The following DNAH5 variants were observed in gnomAD, a reference collection of about 807,000 sequenced individuals.
DNAH5 encodes the protein dynein axonemal heavy chain 5.
A neutral mutation model predicts 518.2 loss-of-function variants in DNAH5; 372 were observed. The observed-to-expected ratio is 0.72, with a 90% CI of 0.66 to 0.78. The LOEUF is 0.78. Ranked by LOEUF, DNAH5 falls within the 30% of genes least tolerant of loss-of-function variation. The pLI is 0.00. For synonymous variants in DNAH5, 2,039 were observed against 2,025.9 expected (o/e 1.01, Z -0.17); for missense variants, 5,523 against 5,687.0 (o/e 0.97, Z 0.93).
intron 14 of DNAH5, chr5:13,900,802 A>C (rs918233876): frequency 2.6e-5 from 8 of 310,414 alleles, no homozygotes; most frequent in African/African-American, 1.7e-4. Flanking sequence ...CAATGAACAC[A>C]GCTATGGAGA....
chr5:13,876,836 G>C lies in DNAH5; in HGVS notation c.3263-19C>G. The C allele has an allele frequency of 6.2e-7, 1 of 1,611,986 alleles. No individual in the cohort carries two copies. Among genetic ancestry groups the C allele is most frequent in the South Asian group, 1.1e-5 (1 of 91,014 alleles). On this transcript the variant is annotated intron_variant, in intron 21 of 78. Coordinates refer to ENST00000265104, the MANE Select transcript of DNAH5 (RefSeq NM_001369.3). ...AAGGTATCTAAAAAGAAAAAAAGAA[G>C]AGAAAACTTTACACTACTCACACAA...
intron 47 of DNAH5, among the ~76,000 whole-genome samples, chr5:13,795,557 A>G (rs811599): frequency 0.36 from 54,576 of 152,100 alleles, 10,113 homozygotes; most frequent in Middle Eastern, 0.45. Flanking sequence ...GGCAATAATT[A>G]ATAGCCTACC....
chr5:13,706,518 A>G (rs192707335), intron 76 of DNAH5, among the ~76,000 whole-genome samples: 9 of 152,158 alleles, frequency 5.9e-5, no homozygotes, highest in Non-Finnish European at 2.9e-5. Context: ...TTTCCTACGT[A>G]TTTTTTCACC....
chr5:13,882,580 C>T lies in DNAH5; in HGVS notation c.3262+148G>A, dbSNP rs1771820214. ...AATGGTGATATTAAAATACGTGGAC[C>T]TTGATATTTTGTCAACTTCAAATTG... On this transcript the variant is annotated intron_variant, in intron 21 of 78. Transcript: ENST00000265104. 5.8e-6 allele frequency: 4 copies of T among 686,672 alleles called. No individual in the cohort carries two copies. The East Asian group carries it at 1.1e-4, about 19-fold the overall frequency. 42.5% of individuals were successfully genotyped at this position (686,672 alleles called of 1,614,324 possible). A position where few individuals can be genotyped will look rare whatever the true frequency, so the allele number is the denominator to read the frequency against.
intron 15 of DNAH5, chr5:13,898,677 T>G (rs1220211239): frequency 1.0e-5 from 4 of 398,430 alleles, no homozygotes; most frequent in Non-Finnish European, 1.8e-5. Context: ...CCTAACGTAG[T>G]GGTAGAAAAG....
At position 13,841,823 on chromosome 5, in the gene DNAH5, C is replaced by A; in HGVS notation, c.5353G>T (p.Val1785Leu). Residue 1785 changes from valine (V) to leucine (L), a missense_variant, in exon 33 of 79, where the codon GTG (valine) becomes TTG (leucine). Physicochemically the swap from Val to Leu is conservative, Grantham distance 32 (BLOSUM62 1). Around this residue, in one of 3 missense-constraint regions of DNAH5, gnomAD observed 5,121 missense variants for 5,223.3 expected, o/e 0.98. Coordinates refer to ENST00000265104, the MANE Select transcript of DNAH5 (RefSeq NM_001369.3). ...AAAAGAGAATTAAGCCAAACTTCCA[C>A]ATTGCCCTCTGCCATGACAGGTTTA... is the stretch of plus-strand genomic sequence containing the variant. ...LDKPVMAEGN[V>L]EVWLNSLLEE... The A allele has an allele frequency of 6.2e-7, 1 of 1,609,848 alleles. No individual in the cohort carries two copies. Among genetic ancestry groups the A allele is most frequent in the Non-Finnish European group, 8.5e-7 (1 of 1,178,864 alleles).
intron 25 of DNAH5, among the ~76,000 whole-genome samples, chr5:13,867,550 G>A (rs920920168): frequency 6.6e-6 from 1 of 151,970 alleles, no homozygotes; most frequent in South Asian, 2.1e-4. Flanking sequence ...AAATTACCCA[G>A]TCTCGAGCAG....
At chr5:13,807,819 C>A (rs1015223642) in intron 46 of DNAH5, 94 bp from the exon 47 acceptor site, 5 of 1,024,836 alleles carry the variant, frequency 4.9e-6, no homozygotes, top group Non-Finnish European at 7.3e-6. Context: ...GAATCTTCAA[C>A]CCCTAGTACC....
chr5:13,882,616 T>C, intron 21 of DNAH5, 112 bp downstream of exon 21: 5 of 875,342 alleles, frequency 5.7e-6, no homozygotes, highest in Non-Finnish European at 9.1e-6. Context: ...GCTCATAGAT[T>C]AATATTCTGA....
At position 13,714,413 on chromosome 5, in the gene DNAH5, G is replaced by C. The variant is rs1295800981; in HGVS notation, c.13117C>G (p.Pro4373Ala). 2 of 1,614,072 alleles carry C rather than the reference G, an allele frequency of 1.2e-6. No homozygotes were observed. Among genetic ancestry groups the C allele is most frequent in the East Asian group, 2.2e-5 (1 of 44,876 alleles). The change falls in exon 75 of 79, where the codon CCC (proline) becomes GCC (alanine). Residue 4373 changes from proline to alanine, a missense_variant. Pro to Ala is a conservative substitution (Grantham distance 27, BLOSUM62 -1). Transcript: ENST00000265104. Reference protein sequence around the residue: ...MLEKLPPDYVPFEVKERLQKM... With the variant: ...MLEKLPPDYVAFEVKERLQKM... ...GGATTTCATCAACTCACTTCAAAGG[G>C]GACATAGTCTGGGGGCAGCTTCTCC...
At chr5:13,933,789 CAAA>C (rs533169329) in intron 1 of DNAH5, among the ~76,000 whole-genome samples, 1 of 82,392 alleles carries the variant, frequency 1.2e-5, no homozygotes, top group Non-Finnish European at 2.4e-5. Flanking sequence ...GACTCCACCT[CAAA>C]AAAAAAAAAA....
Position 13,830,166 on chromosome 5 carries a change from T to C in DNAH5, c.6109A>G (p.Ile2037Val), listed in dbSNP as rs200551639. ...SWGCFDEFNR[I>V]DLPVLSVAAQ... is the part of the protein sequence containing the mutation. ...GCAACCGAGAGAACTGGTAGATCAA[T>C]ACGGTTAAATTCATCAAAACAACCC... The change falls in exon 37 of 79, where the codon ATT (isoleucine) becomes GTT (valine). Residue 2037 changes from isoleucine (I) to valine (V), a missense_variant. This residue lies in a region of DNAH5 where 5,121 missense variants were observed against 5,223.3 expected (regional missense o/e 0.98). Coordinates refer to ENST00000265104, the MANE Select transcript of DNAH5 (RefSeq NM_001369.3). 109 of 1,614,122 alleles carry C rather than the reference T, an allele frequency of 6.8e-5. No individual in the cohort carries two copies. Among genetic ancestry groups the C allele is most frequent in the Non-Finnish European group, 8.6e-5 (102 of 1,180,008 alleles).
Position 13,691,687 on chromosome 5 carries a change from T to C in DNAH5, c.*297A>G. The C allele has an allele frequency of 2.7e-6, 1 of 372,290 alleles. No individual in the cohort carries two copies. The highest frequency in any genetic ancestry group is 2.6e-5 in the South Asian group (1 of 38,402). 23.1% of individuals were successfully genotyped at this position (372,290 alleles called of 1,614,324 possible). On this transcript the variant is annotated 3_prime_UTR_variant, in exon 79 of 79. Transcript: ENST00000265104. ...ACTGTCTGCTTACCCTAGTCAGTCT[T>C]CGGAGCGAAGTAAGAAGAAAATATA...
chr5:13,987,007 G>A (rs868184971), intron 1 of DNAH5, among the ~76,000 whole-genome samples: 5 of 152,118 alleles, frequency 3.3e-5, no homozygotes, highest in Non-Finnish European at 5.9e-5. Context: ...TAAGTGAAAC[G>A]TCCGTCAGTG....
chr5:13,741,058 T>C (rs544372312), intron 65 of DNAH5, among the ~76,000 whole-genome samples: 2 of 152,330 alleles, frequency 1.3e-5, no homozygotes, highest in East Asian at 1.9e-4. Context: ...TCTTTTCAAA[T>C]TGATAAACTG....
In DNAH5 at chr5:13,786,228, G is replaced by T; in HGVS notation, c.8771C>A (p.Ala2924Asp). The T allele has an allele frequency of 6.2e-7, 1 of 1,614,056 alleles. No individual in the cohort carries two copies. The highest frequency in any genetic ancestry group is 1.1e-5 in the South Asian group (1 of 91,078). Residue 2924 changes from alanine (A) to aspartate (D), a missense_variant, in exon 52 of 79, where the codon GCC becomes GAC. Around this residue, in one of 3 missense-constraint regions of DNAH5, gnomAD observed 5,121 missense variants for 5,223.3 expected, o/e 0.98. Transcript: ENST00000265104. ...LQLYNESIRG[A>D]GMDMVFFADA... ...TGCAAAGAACACCATGTCCATGCCGGCGCCACGGATGCTCTCATTATAGAG... is the reference window on the plus strand; with the variant it reads ...TGCAAAGAACACCATGTCCATGCCGTCGCCACGGATGCTCTCATTATAGAG...
At chr5:13,885,688 G>T (rs1314087562) in intron 18 of DNAH5, among the ~76,000 whole-genome samples, 1 of 152,146 alleles carries the variant, frequency 6.6e-6, no homozygotes, top group Admixed American at 6.5e-5. Context: ...TATTGATAAG[G>T]TAAAATAAAA....
At position 13,721,106 on chromosome 5, in the gene DNAH5, G is replaced by T. The variant is rs1228629665; in HGVS notation, c.12173C>A (p.Ser4058Tyr). 1.2e-6 allele frequency: 2 copies of T among 1,614,102 alleles called. No homozygotes were observed. Among genetic ancestry groups the T allele is most frequent in the Non-Finnish European group, 1.7e-6 (2 of 1,179,994 alleles). ...LLSMGSDPTD[S>Y]IIALGKRLKI... The stretch of plus-strand genomic sequence containing the variant: ...TAATCTCTTCCCCAAGGCAATGATG[G>T]AATCTGTGGGGTCTGAGCCCATAGA... Residue 4058 changes from serine (S) to tyrosine (Y), a missense_variant, in exon 71 of 79, where the codon TCC becomes TAC. By Grantham distance (144) the Ser-to-Tyr change is moderately radical. Coordinates refer to ENST00000265104, the MANE Select transcript of DNAH5 (RefSeq NM_001369.3).
chr5:13,861,463 A>C (rs1364405062), intron 29 of DNAH5, among the ~76,000 whole-genome samples: 1 of 152,242 alleles, frequency 6.6e-6, no homozygotes, highest in Non-Finnish European at 1.5e-5. Context: ...TAAAGCTAGA[A>C]TAGAACAACA....
Sources: allele counts gnomAD v4.1 joint callset (sites outside exome capture counted in the v4.1 genomes callset), GRCh38; gene constraint gnomAD v4.1.1; regional missense constraint gnomAD v4.1.1; transcripts MANE v1.5; gene names NCBI Gene and HGNC (gene_info 2026-07-23, HGNC 2026-07-21).